Variants in LARGE1 observed in about 807,000 individuals in gnomAD.
LARGE1 encodes xylosyl- and glucuronyltransferase LARGE1.
A neutral mutation model predicts 87.6 loss-of-function variants in LARGE1; 43 were observed. The ratio of observed to expected loss-of-function variants is 0.49; its 90% CI spans 0.38 to 0.63. The LOEUF is 0.63. Among genes scored for constraint, LARGE1 ranks in the 30% least tolerant of loss-of-function variants. The pLI is 0.00. For synonymous variants in LARGE1, 434 were observed against 394.6 expected, an observed-to-expected ratio of 1.10 and a Z score of -1.18; for missense variants, 802 against 1,000.2, an observed-to-expected ratio of 0.80 and a Z score of 2.67.
chr22:33,648,644 G>A (rs779152094), intron 3 of LARGE1, among the ~76,000 whole-genome samples: 3 of 152,172 alleles, frequency 2.0e-5, no homozygotes, highest in Non-Finnish European at 4.4e-5. Flanking sequence ...ATTTGTTAAC[G>A]TGGCTGAATG....
At chr22:33,136,228 A>G in the LARGE1 span, among the ~76,000 whole-genome samples, 1 of 152,220 alleles carries the variant, frequency 6.6e-6, no homozygotes, top group Non-Finnish European at 1.5e-5. Flanking sequence ...GACATACCCA[A>G]GACTGGGTAA....
At position 33,385,029 on chromosome 22, in the gene LARGE1, C is replaced by T. The variant is rs111276498; in HGVS notation, c.893-725G>A. On this transcript the variant is annotated intron_variant, in intron 7 of 14. Transcript: ENST00000397394. ...AGCCATATGGGCCTGTCTCAGTCTT[C>T]CTGATTTCAAGAGGGTCTTTTTGGC... Among the ~76,000 whole-genome samples, 13 of 148,776 alleles carry T rather than the reference C, an allele frequency of 8.7e-5. 2 individuals are homozygous for T. Among genetic ancestry groups the T allele is most frequent in the African/African-American group, 2.7e-4 (11 of 41,082 alleles).
At chr22:33,247,047 ATGTGTGTG>A (rs10532057) in intron 11 of LARGE1, among the ~76,000 whole-genome samples, 10,312 of 146,176 alleles carry the variant, frequency 0.071, 486 homozygotes, top group South Asian at 0.2. Context: ...TGCAGCCAGT[ATGTGTGTG>A]TGTGTGTGTG....
At chr22:33,712,873 C>T (rs1324128878) in intron 2 of LARGE1, among the ~76,000 whole-genome samples, 2 of 152,160 alleles carry the variant, frequency 1.3e-5, no homozygotes, top group East Asian at 3.9e-4. Flanking sequence ...TAGGAATTTG[C>T]TCTGCATAAT....
chr22:33,603,471 A>G (rs2079164701), intron 5 of LARGE1, among the ~76,000 whole-genome samples: 1 of 152,216 alleles, frequency 6.6e-6, no homozygotes, highest in Admixed American at 6.5e-5. Flanking sequence ...CCCATTAAGA[A>G]AGGTTCAGTA....
intron 6 of LARGE1, among the ~76,000 whole-genome samples, chr22:33,443,071 C>T (rs555364813): frequency 3.3e-4 from 51 of 152,256 alleles, no homozygotes; most frequent in South Asian, 2.1e-4. Context: ...GGATTACAGA[C>T]GTGAGCCACT....
chr22:33,330,331 T>C (rs1437861415), intron 10 of LARGE1, among the ~76,000 whole-genome samples: 1 of 152,208 alleles, frequency 6.6e-6, no homozygotes, highest in Non-Finnish European at 1.5e-5. Context: ...TTTAATTTAA[T>C]TTAATTTTAG....
chr22:33,814,624 T>C (rs2086595953), intron 1 of LARGE1, among the ~76,000 whole-genome samples: 1 of 152,178 alleles, frequency 6.6e-6, no homozygotes, highest in African/African-American at 2.4e-5. Flanking sequence ...GGACCACAGC[T>C]TCATTTTCTG....
intron 6 of LARGE1, among the ~76,000 whole-genome samples, chr22:33,548,490 A>G (rs2077431144): frequency 6.6e-6 from 1 of 151,778 alleles, no homozygotes; most frequent in Non-Finnish European, 1.5e-5. Flanking sequence ...ATCTCTGCTC[A>G]CTGCAATCTC....
intron 11 of LARGE1, among the ~76,000 whole-genome samples, chr22:33,248,082 C>G (rs1387094282): frequency 6.6e-6 from 1 of 152,128 alleles, no homozygotes; most frequent in Admixed American, 6.6e-5. Flanking sequence ...CTGATTTCTT[C>G]TTTTTTCAAG....
chr22:33,278,608 C>A (rs903613377), intron 13 of LARGE1, among the ~76,000 whole-genome samples: 21 of 151,726 alleles, frequency 1.4e-4, no homozygotes, highest in Non-Finnish European at 2.9e-5. Context: ...GTTTTAAATT[C>A]TTATAACTTA....
chr22:33,714,676 A>T (rs2082858802), intron 2 of LARGE1, among the ~76,000 whole-genome samples: 1 of 152,208 alleles, frequency 6.6e-6, no homozygotes, highest in South Asian at 2.1e-4. Context: ...GTTGCTACTC[A>T]ACTTGTTCTC....
At chr22:33,893,820 C>T (rs995804721) in intron 1 of LARGE1, among the ~76,000 whole-genome samples, 1 of 152,186 alleles carries the variant, frequency 6.6e-6, no homozygotes, top group African/African-American at 2.4e-5. Flanking sequence ...CACGTTTAAC[C>T]ATGAACTCTA....
At chr22:33,130,200 G>A in the LARGE1 span, among the ~76,000 whole-genome samples, 3 of 150,828 alleles carry the variant, frequency 2.0e-5, no homozygotes, top group African/African-American at 7.3e-5. Context: ...TGTAGTCCCA[G>A]CTACTCTGGA....
intron 6 of LARGE1, among the ~76,000 whole-genome samples, chr22:33,458,670 C>T (rs1028090722): frequency 2.6e-5 from 4 of 151,910 alleles, no homozygotes; most frequent in Non-Finnish European, 5.9e-5. Flanking sequence ...TCGGGTGATC[C>T]GCCCACCTAG....
chr22:33,229,247 C>A (rs1480004524), intron 11 of LARGE1, among the ~76,000 whole-genome samples: 1 of 152,050 alleles, frequency 6.6e-6, no homozygotes, highest in Admixed American at 6.6e-5. Context: ...AAAAGAAACA[C>A]CATCCAAATA....
At chr22:33,076,534 G>A in the LARGE1 span, among the ~76,000 whole-genome samples, 1 of 152,152 alleles carries the variant, frequency 6.6e-6, no homozygotes. Flanking sequence ...CATGAATACT[G>A]AAAGGAAAAC....
chr22:33,886,656 C>CAAA lies in LARGE1; in HGVS notation c.-83+33336_-83+33338dup, dbSNP rs869173776. 5.5e-3 allele frequency among the ~76,000 whole-genome samples: 191 copies of CAAA among 34,484 alleles called. 14 individuals carry two copies. The highest frequency in any genetic ancestry group is 6.3e-3 in the Non-Finnish European group (108 of 17,084). 22.6% of individuals were successfully genotyped at this position (34,484 alleles called of 152,430 possible). On this transcript the variant is annotated intron_variant, in intron 1 of 14. Transcript: ENST00000397394. ...CCTGGACAACAGAGTGAGATTCTGC[C>CAAA]AAAAAAAAAAAAAAAAAAGAAAAAA...
At chr22:33,723,937 C>G (rs16992886) in intron 2 of LARGE1, 5,339 of 152,424 alleles carry the variant, frequency 0.035, 111 homozygotes, top group African/African-American at 0.053. Context: ...AGCTAGTGCC[C>G]ACCAAACCAA....
Sources: gnomAD v4.1 joint callset for allele counts (sites outside exome capture counted in the v4.1 genomes callset) on GRCh38, gnomAD v4.1.1 for gene constraint, MANE v1.5 for transcripts, NCBI Gene and HGNC (gene_info 2026-07-23, HGNC 2026-07-21) for gene names.